The following REV1 variants were observed in gnomAD, a reference collection of about 807,000 sequenced individuals.
REV1 encodes translesion synthesis protein REV1.
REV1 carries 42 observed loss-of-function variants against 137.4 expected under a neutral mutation model. That is an observed-to-expected ratio of 0.31 (90% CI 0.24 to 0.40). The LOEUF (loss-of-function observed/expected upper bound fraction) is 0.40. Ranked by LOEUF, REV1 falls within the 10% of genes least tolerant of loss-of-function variation. REV1 has a pLI of 1.00. For missense variants in REV1, 1,282 were observed against 1,490.1 expected (o/e 0.86, Z 2.30); for synonymous variants, 524 against 519.2 (o/e 1.01, Z -0.12).
intron 2 of REV1, 133 bp downstream of exon 2, chr2:99,464,789 C>T (rs1225115105): frequency 1.2e-6 from 1 of 804,094 alleles, no homozygotes; most frequent in African/African-American, 1.7e-5. Flanking sequence ...GCTTTCAATA[C>T]ACTGTGAAAA....
At chr2:99,446,742 C>A (rs932483863) in intron 4 of REV1, among the ~76,000 whole-genome samples, 4 of 152,152 alleles carry the variant, frequency 2.6e-5, no homozygotes, top group African/African-American at 9.7e-5. Flanking sequence ...ATCCACCCAC[C>A]TTGGCCTCCC....
intron 1 of REV1, among the ~76,000 whole-genome samples, chr2:99,485,289 A>G (rs1575269747): frequency 6.6e-6 from 1 of 152,230 alleles, no homozygotes; most frequent in East Asian, 1.9e-4. Context: ...TGTCTCCATC[A>G]ATTCTTTCTT....
chr2:99,471,908 A>C (rs895465505), intron 1 of REV1, among the ~76,000 whole-genome samples: 3 of 151,788 alleles, frequency 2.0e-5, no homozygotes, highest in Admixed American at 2.0e-4. Flanking sequence ...AAAAAAAAAA[A>C]AAACAAGTGT....
intron 5 of REV1, 31 bp from the exon 6 acceptor site, chr2:99,439,341 A>G: frequency 6.7e-7 from 1 of 1,493,970 alleles, no homozygotes; most frequent in Non-Finnish European, 9.2e-7. Context: ...TGAGTTAATA[A>G]TATCTGACTT....
chr2:99,484,518 G>A (rs1686945280), intron 1 of REV1, among the ~76,000 whole-genome samples: 1 of 152,090 alleles, frequency 6.6e-6, no homozygotes, highest in Non-Finnish European at 1.5e-5. Context: ...TGTATTATAT[G>A]CAAAACCTTT....
At position 99,488,676 on chromosome 2, in the gene REV1, G is replaced by C. The variant is rs1478904519; in HGVS notation, c.-11+1141C>G. 2.0e-5 allele frequency among the ~76,000 whole-genome samples: 3 copies of C among 152,326 alleles called. No individual in the cohort carries two copies. The East Asian group carries it at 5.8e-4, about 29-fold the overall frequency. Reference sequence around the variant, plus strand: ...CCTGCACGGGCAAACCCAAGAATATGTGTGAAAGGTTGGTGGACAGATAGA... The same window carrying C: ...CCTGCACGGGCAAACCCAAGAATATCTGTGAAAGGTTGGTGGACAGATAGA... On this transcript the variant is annotated intron_variant, in intron 1 of 22. Transcript: ENST00000258428.
At chr2:99,446,553 G>T (rs1314979068) in intron 4 of REV1, among the ~76,000 whole-genome samples, 1 of 152,136 alleles carries the variant, frequency 6.6e-6, no homozygotes, top group East Asian at 1.9e-4. Context: ...GGAGTGTACT[G>T]GCGTGATCTC....
chr2:99,464,235 AATTATT>A, intron 2 of REV1, among the ~76,000 whole-genome samples: 1 of 152,180 alleles, frequency 6.6e-6, no homozygotes, highest in Non-Finnish European at 1.5e-5. Flanking sequence ...GCTTGATTTC[AATTATT>A]AGGTCTTTAA....
At chr2:99,456,175 G>GAAAA (rs746356148) in intron 3 of REV1, among the ~76,000 whole-genome samples, 1 of 152,194 alleles carries the variant, frequency 6.6e-6, no homozygotes, top group African/African-American at 2.4e-5. Context: ...GCATCTGAGT[G>GAAAA]AAAATATTTT....
chr2:99,468,297 A>C (rs142970979), intron 1 of REV1, among the ~76,000 whole-genome samples: 1,674 of 152,314 alleles, frequency 0.011, 9 homozygotes, highest in Middle Eastern at 0.024. Flanking sequence ...CATCCAGGGA[A>C]AAGTTCTCCA....
At chr2:99,426,682 C>T (rs974754824) in intron 9 of REV1, among the ~76,000 whole-genome samples, 2 of 152,098 alleles carry the variant, frequency 1.3e-5, no homozygotes, top group African/African-American at 2.4e-5. Context: ...AAGACAATTA[C>T]AAAAAAGTCC....
chr2:99,414,981 C>G (rs1677652778), intron 12 of REV1, among the ~76,000 whole-genome samples: 2 of 152,314 alleles, frequency 1.3e-5, no homozygotes, highest in South Asian at 4.1e-4. Flanking sequence ...CGTAATCAAT[C>G]TAATCTAAGT....
chr2:99,440,756 C>G lies in REV1; in HGVS notation c.504-1446G>C, dbSNP rs141903480. On this transcript the variant is annotated intron_variant, in intron 5 of 22. Coordinates refer to ENST00000258428, the MANE Select transcript of REV1 (RefSeq NM_016316.4). ...ACTGAATATACCCCCCAAAAAAACC[C>G]CAGAAAACAACAAAAGTGATGTACG... Among the ~76,000 whole-genome samples the G allele has an allele frequency of 6.3e-3, 959 of 152,238 alleles. 10 individuals carry two copies. Among genetic ancestry groups the G allele is most frequent in the Middle Eastern group, 6.8e-3 (2 of 294 alleles).
chr2:99,436,162 C>T (rs1266792149), intron 6 of REV1, among the ~76,000 whole-genome samples: 1 of 152,116 alleles, frequency 6.6e-6, no homozygotes, highest in Non-Finnish European at 1.5e-5. Context: ...AATTATTTCA[C>T]TGTGCTGATT....
chr2:99,459,782 T>G (rs1213509084), intron 3 of REV1, among the ~76,000 whole-genome samples: 1 of 152,132 alleles, frequency 6.6e-6, no homozygotes, highest in African/African-American at 2.4e-5. Context: ...AAAACATTTT[T>G]GGGGCCAGGT....
chr2:99,457,952 G>A (rs1045766662), intron 3 of REV1, among the ~76,000 whole-genome samples: 3 of 151,762 alleles, frequency 2.0e-5, no homozygotes, highest in East Asian at 3.9e-4. Context: ...AAAAAAAATT[G>A]TAAAACCTCA....
At chr2:99,430,892 G>A (rs28382900) in intron 8 of REV1, among the ~76,000 whole-genome samples, 1 of 151,894 alleles carries the variant, frequency 6.6e-6, no homozygotes, top group Admixed American at 6.6e-5. Flanking sequence ...CACAACCTCA[G>A]CCACATCTCT....
chr2:99,480,510 G>A (rs1686500621), intron 1 of REV1, among the ~76,000 whole-genome samples: 1 of 152,054 alleles, frequency 6.6e-6, no homozygotes, highest in African/African-American at 2.4e-5. Context: ...GGGTGGGAGA[G>A]TTTCTGGCTC....
intron 19 of REV1, chr2:99,403,396 A>ATGT (rs1675783621): frequency 3.6e-6 from 2 of 557,952 alleles, no homozygotes; most frequent in South Asian, 4.7e-5. Context: ...ACATCCTTTA[A>ATGT]TGTATTCATC....
Sources: allele counts gnomAD v4.1 joint callset (sites outside exome capture counted in the v4.1 genomes callset), GRCh38; gene constraint gnomAD v4.1.1; transcripts MANE v1.5; gene names NCBI Gene and HGNC (gene_info 2026-07-23, HGNC 2026-07-21).